BICC1: variants seen among roughly 807,000 people sequenced by gnomAD.
BICC1 encodes BicC family RNA binding protein 1.
BICC1 carries 43 observed loss-of-function variants against 111.0 expected under a neutral mutation model. That is an observed-to-expected ratio of 0.39 (90% confidence interval 0.30 to 0.50). The LOEUF is 0.50. Ranked by LOEUF, BICC1 falls within the 20% of genes least tolerant of loss-of-function variation. BICC1 has a pLI of 0.88. For missense variants in BICC1, 1,091 were observed against 1,203.2 expected (o/e 0.91, Z 1.38); for synonymous variants, 467 against 434.4 (o/e 1.07, Z -0.93).
chr10:58,772,425 T>C (rs188959616), intron 3 of BICC1, among the ~76,000 whole-genome samples: 1 of 152,178 alleles, frequency 6.6e-6, no homozygotes, highest in Non-Finnish European at 1.5e-5. Flanking sequence ...TTTGGTGTTG[T>C]CCTATTGATT....
Position 58,774,995 on chromosome 10 carries a change from G to A in BICC1, c.308-10006G>A, listed in dbSNP as rs1010387677. ...AGGACTAATTGGTCACCCTTATCAG[G>A]TGATTATTTGATGCAATTTTTGATG... On this transcript the variant is annotated intron_variant, in intron 3 of 20. Coordinates refer to ENST00000373886, the MANE Select transcript of BICC1 (RefSeq NM_001080512.3). Among the ~76,000 whole-genome samples, 4 of 152,084 alleles carry A rather than the reference G, an allele frequency of 2.6e-5. No individual in the cohort carries two copies. The South Asian group carries it at 8.3e-4, about 32-fold the overall frequency.
In BICC1 at chr10:58,752,994, G is replaced by A. The variant is rs558922426; in HGVS notation, c.308-32007G>A. On this transcript the variant is annotated intron_variant, in intron 3 of 20. Coordinates refer to ENST00000373886, the MANE Select transcript of BICC1 (RefSeq NM_001080512.3). ...AAGAAAATGTGGTCACAACTTTGTA[G>A]CTGCATCTGAGTAATCAGGAAAAAG... 6.6e-5 allele frequency among the ~76,000 whole-genome samples: 10 copies of A among 152,258 alleles called. No homozygotes were observed. The South Asian group carries it at 1.7e-3, about 25-fold the overall frequency.
intron 2 of BICC1, among the ~76,000 whole-genome samples, chr10:58,634,869 G>T (rs1837908644): frequency 6.6e-6 from 1 of 152,108 alleles, no homozygotes; most frequent in Admixed American, 6.5e-5. Flanking sequence ...ATATTTTTAA[G>T]AAAATCGTAA....
chr10:58,521,373 G>T (rs992053282), intron 1 of BICC1, among the ~76,000 whole-genome samples: 2 of 152,114 alleles, frequency 1.3e-5, no homozygotes, highest in Non-Finnish European at 2.9e-5. Context: ...TATGGCAGAT[G>T]ATAAATATTT....
chr10:58,673,775 A>C (rs1213094136), intron 2 of BICC1, among the ~76,000 whole-genome samples: 3 of 140,468 alleles, frequency 2.1e-5, no homozygotes, highest in African/African-American at 7.9e-5. Context: ...GGTGTGTGCT[A>C]CCACGCCCAG....
intron 2 of BICC1, among the ~76,000 whole-genome samples, chr10:58,688,007 T>C (rs1417588620): frequency 6.6e-6 from 1 of 152,138 alleles, no homozygotes; most frequent in Non-Finnish European, 1.5e-5. Context: ...TTACAGCTCT[T>C]AAAGGTGGCG....
intron 1 of BICC1, among the ~76,000 whole-genome samples, chr10:58,526,927 C>G (rs575986641): frequency 6.6e-6 from 1 of 152,120 alleles, no homozygotes; most frequent in Non-Finnish European, 1.5e-5. Context: ...ATTTATAATC[C>G]TTTGGGTATA....
At chr10:58,672,498 G>A (rs540032482) in intron 2 of BICC1, among the ~76,000 whole-genome samples, 3 of 152,198 alleles carry the variant, frequency 2.0e-5, no homozygotes, top group African/African-American at 4.8e-5. Flanking sequence ...GCTTAGAAAA[G>A]GTAGCCTTTT....
chr10:58,656,253 C>T (rs1287932762), intron 2 of BICC1, among the ~76,000 whole-genome samples: 2 of 151,016 alleles, frequency 1.3e-5, no homozygotes, highest in Non-Finnish European at 3.0e-5. Flanking sequence ...GATTCACAGC[C>T]GAATTCTATC....
At chr10:58,710,350 G>A (rs1840534620) in intron 3 of BICC1, among the ~76,000 whole-genome samples, 1 of 152,110 alleles carries the variant, frequency 6.6e-6, no homozygotes, top group Admixed American at 6.5e-5. Flanking sequence ...GTTCCATAAT[G>A]TATAATAATA....
chr10:58,784,707 TA>T (rs1362532465), intron 3 of BICC1, among the ~76,000 whole-genome samples: 6 of 152,240 alleles, frequency 3.9e-5, no homozygotes, highest in Admixed American at 2.0e-4. Flanking sequence ...AATTATATGA[TA>T]TTTTTATTTT....
chr10:58,557,137 C>T (rs980251312), intron 1 of BICC1, among the ~76,000 whole-genome samples: 1 of 151,978 alleles, frequency 6.6e-6, no homozygotes, highest in East Asian at 1.9e-4. Context: ...AAGATGTTTT[C>T]GTTGAGTAAA....
chr10:58,671,074 G>T (rs1016228568), intron 2 of BICC1, among the ~76,000 whole-genome samples: 1 of 151,856 alleles, frequency 6.6e-6, no homozygotes, highest in African/African-American at 2.4e-5. Context: ...CATGACCCTC[G>T]TCCTTCCCAT....
chr10:58,639,383 A>G (rs977153283), intron 2 of BICC1, among the ~76,000 whole-genome samples: 26 of 141,556 alleles, frequency 1.8e-4, no homozygotes, highest in Admixed American at 7.9e-4. Context: ...ATCAGTGGTG[A>G]GTCTGCCATT....
At chr10:58,693,108 G>A (rs899966281) in intron 2 of BICC1, among the ~76,000 whole-genome samples, 2 of 152,058 alleles carry the variant, frequency 1.3e-5, no homozygotes, top group African/African-American at 4.8e-5. Context: ...AGAACATGCG[G>A]TGTTTGGTTT....
intron 1 of BICC1, among the ~76,000 whole-genome samples, chr10:58,601,412 A>G (rs1275909617): frequency 1.3e-5 from 2 of 151,660 alleles, no homozygotes; most frequent in East Asian, 3.9e-4. Flanking sequence ...GCAAATCCAA[A>G]TCATCTTTTC....
At chr10:58,611,480 C>CT (rs1198647396) in intron 1 of BICC1, among the ~76,000 whole-genome samples, 5,304 of 142,318 alleles carry the variant, frequency 0.037, 299 homozygotes, top group African/African-American at 0.13. Flanking sequence ...TTTGTTTCTT[C>CT]TTTTTTTTTT....
intron 1 of BICC1, among the ~76,000 whole-genome samples, chr10:58,542,444 T>C (rs534451990): frequency 2.0e-5 from 3 of 151,930 alleles, no homozygotes; most frequent in African/African-American, 7.3e-5. Context: ...AAAAGCTTCA[T>C]GACATTGGGT....
chr10:58,664,245 A>G lies in BICC1; in HGVS notation c.238-37829A>G, dbSNP rs571677037. Among the ~76,000 whole-genome samples, 10 of 152,258 alleles carry G rather than the reference A, an allele frequency of 6.6e-5. No homozygotes were observed. The South Asian group carries it at 2.1e-3, about 32-fold the overall frequency. Reference sequence around the variant, plus strand: ...CACCTGTTATTATCTATCTTTTGAAATGTTAGTCATTCTGGTGGATACTTA... The same window carrying G: ...CACCTGTTATTATCTATCTTTTGAAGTGTTAGTCATTCTGGTGGATACTTA... On this transcript the variant is annotated intron_variant, in intron 2 of 20. Coordinates refer to ENST00000373886, the MANE Select transcript of BICC1 (RefSeq NM_001080512.3).
Sources: gnomAD v4.1 joint callset for allele counts (sites outside exome capture counted in the v4.1 genomes callset) on GRCh38, gnomAD v4.1.1 for gene constraint, MANE v1.5 for transcripts, NCBI Gene and HGNC (gene_info 2026-07-23, HGNC 2026-07-21) for gene names.